The following PPARD variants were observed in gnomAD, a reference collection of about 807,000 sequenced individuals.
The protein encoded by PPARD is peroxisome proliferator-activated receptor delta.
Under a neutral mutation model 39.5 loss-of-function variants are expected in PPARD, and 6 were observed. The observed-to-expected ratio is 0.15, with a 90% CI of 0.08 to 0.30. The LOEUF (loss-of-function observed/expected upper bound fraction) is 0.30. Ranked by LOEUF, PPARD falls within the 10% of genes least tolerant of loss-of-function variation. The pLI, the probability that PPARD is intolerant of heterozygous loss-of-function variation, is 1.00. For synonymous variants in PPARD, 210 were observed against 231.3 expected (o/e 0.91, Z 0.83); for missense variants, 397 against 596.8 (o/e 0.67, Z 3.49).
chr6:35,422,655 G>A (rs995822782), intron 5 of PPARD, among the ~76,000 whole-genome samples: 2 of 152,118 alleles, frequency 1.3e-5, no homozygotes. Context: ...TAACTGCCTT[G>A]CATCTTAGAG....
intron 2 of PPARD, among the ~76,000 whole-genome samples, chr6:35,380,476 G>GTTTTTTTTTTTTTTTTTTTT (rs71002557): frequency 7.4e-5 from 5 of 67,142 alleles, no homozygotes; most frequent in Admixed American, 5.2e-4. Flanking sequence ...TTTTTTGTTT[G>GTTTTTTTTTTTTTTTTTTTT]TTTTTTTTTT....
At chr6:35,373,711 A>C (rs967975317) in intron 2 of PPARD, among the ~76,000 whole-genome samples, 1 of 150,124 alleles carries the variant, frequency 6.7e-6, no homozygotes, top group African/African-American at 2.4e-5. Flanking sequence ...TGTGTCATCC[A>C]GGCTGGAGTG....
At chr6:35,382,223 A>G (rs925113825) in intron 2 of PPARD, among the ~76,000 whole-genome samples, 2 of 152,170 alleles carry the variant, frequency 1.3e-5, no homozygotes, top group Admixed American at 6.6e-5. Context: ...CCATTAGGCA[A>G]TTAGAGGCCT....
chr6:35,349,082 G>A (rs1051769870), intron 2 of PPARD: 1 of 930,736 alleles, frequency 1.1e-6, no homozygotes, highest in Admixed American at 6.3e-5. Flanking sequence ...CTGGAGTGCA[G>A]TGGCGCGATC....
intron 1 of PPARD, among the ~76,000 whole-genome samples, chr6:35,344,103 C>T (rs777162744): frequency 6.6e-6 from 1 of 152,112 alleles, no homozygotes; most frequent in Non-Finnish European, 1.5e-5. Context: ...TCTCTCATAT[C>T]TCTTTGACAA....
chr6:35,394,785 C>T (rs1227637658), intron 2 of PPARD, among the ~76,000 whole-genome samples: 2 of 123,372 alleles, frequency 1.6e-5, no homozygotes, highest in South Asian at 2.7e-4. Flanking sequence ...CCCCCCCCAC[C>T]AAAAAAAAAA....
chr6:35,350,839 C>T (rs1761202410), intron 2 of PPARD, among the ~76,000 whole-genome samples: 1 of 151,692 alleles, frequency 6.6e-6, no homozygotes, highest in Non-Finnish European at 1.5e-5. Flanking sequence ...GTTGGTCAGG[C>T]TGGTCTTGAA....
At chr6:35,361,986 T>C (rs561212508) in intron 2 of PPARD, among the ~76,000 whole-genome samples, 1 of 152,320 alleles carries the variant, frequency 6.6e-6, no homozygotes, top group South Asian at 2.1e-4. Flanking sequence ...TAGTTAAAAA[T>C]GTTTTAGTTA....
intron 5 of PPARD, among the ~76,000 whole-genome samples, chr6:35,422,845 T>C (rs1014884010): frequency 3.9e-5 from 6 of 152,138 alleles, no homozygotes; most frequent in African/African-American, 1.4e-4. Context: ...TTTTGAGTGC[T>C]TACTATGTGA....
chr6:35,390,303 G>A (rs1006882064), intron 2 of PPARD, among the ~76,000 whole-genome samples: 7 of 152,226 alleles, frequency 4.6e-5, no homozygotes, highest in Admixed American at 1.3e-4. Context: ...AGGGCAGGCT[G>A]TGTTTTACTC....
chr6:35,408,726 A>G (rs1318934962), intron 2 of PPARD, among the ~76,000 whole-genome samples: 1 of 152,264 alleles, frequency 6.6e-6, no homozygotes, highest in African/African-American at 2.4e-5. Context: ...CCAATTTTCA[A>G]GAGAAGCCAG....
intron 3 of PPARD, among the ~76,000 whole-genome samples, chr6:35,416,458 A>T (rs1323596659): frequency 1.3e-5 from 2 of 148,408 alleles, no homozygotes; most frequent in East Asian, 4.1e-4. Flanking sequence ...ACCGTGGCCT[A>T]ATCAAGTTGA....
At chr6:35,396,809 A>G (rs1764356069) in intron 2 of PPARD, among the ~76,000 whole-genome samples, 1 of 152,064 alleles carries the variant, frequency 6.6e-6, no homozygotes, top group Admixed American at 6.5e-5. Flanking sequence ...CAACCTGGGC[A>G]ACAGAGTGAG....
chr6:35,368,577 T>A (rs1762323735), intron 2 of PPARD, among the ~76,000 whole-genome samples: 1 of 152,186 alleles, frequency 6.6e-6, no homozygotes, highest in African/African-American at 2.4e-5. Context: ...ACAGCCTGGT[T>A]GGGAAACCAA....
intron 2 of PPARD, among the ~76,000 whole-genome samples, chr6:35,360,031 AG>A (rs1761844584): frequency 6.6e-6 from 1 of 152,154 alleles, no homozygotes; most frequent in Admixed American, 6.5e-5. Flanking sequence ...TTCAGAAAAT[AG>A]CAGTCTCTTG....
chr6:35,380,476 G>GTTTTTTTTTTTTT (rs71002557), intron 2 of PPARD, among the ~76,000 whole-genome samples: 14 of 67,138 alleles, frequency 2.1e-4, no homozygotes, highest in Middle Eastern at 0.014. Context: ...TTTTTTGTTT[G>GTTTTTTTTTTTTT]TTTTTTTTTT....
rs1006202035 is a variant in PPARD at position 35,401,273 on chromosome 6, C to T, written c.-101-9714C>T. On this transcript the variant is annotated intron_variant, in intron 2 of 7. Transcript: ENST00000360694. The surrounding 1 kb of genome is among the most constrained non-coding windows in gnomAD (Gnocchi z 4.1). ...CTGCTTCCCAGACCTTGCAGGGCTC[C>T]AGGTGGCCTTCCCCTCCTGCCGACT... Among the ~76,000 whole-genome samples the T allele has an allele frequency of 1.3e-5, 2 of 152,120 alleles. No homozygotes were observed. Among genetic ancestry groups the T allele is most frequent in the Non-Finnish European group, 2.9e-5 (2 of 68,026 alleles).
At chr6:35,407,361 C>G (rs1765121770) in intron 2 of PPARD, among the ~76,000 whole-genome samples, 1 of 152,086 alleles carries the variant, frequency 6.6e-6, no homozygotes, top group Non-Finnish European at 1.5e-5. Flanking sequence ...TCTGCCGCCA[C>G]TGCGCTGTGG....
chr6:35,424,743 C>G lies in PPARD; in HGVS notation c.1042C>G (p.Leu348Val). ...CGCCCTGGAACTTGATGACAGTGAC[C>G]TGGCCCTATTCATTGCGGCCATCAT... is the stretch of plus-strand genomic sequence containing the variant. ...FNALELDDSD[L>V]ALFIAAIILC... Residue 348 changes from leucine (L) to valine (V), a missense_variant, in exon 7 of 8, where the codon CTG (leucine) becomes GTG (valine). Leu to Val is a conservative substitution (Grantham distance 32). Coordinates refer to ENST00000360694, the MANE Select transcript of PPARD (RefSeq NM_006238.5). This position sits in a 1 kb window ranked among gnomAD's most constrained non-coding sequence, Gnocchi z 7.1. The G allele has an allele frequency of 6.2e-7, 1 of 1,614,218 alleles. No homozygotes were observed.
Sources: gnomAD v4.1 joint callset for allele counts (sites outside exome capture counted in the v4.1 genomes callset) on GRCh38, gnomAD v4.1.1 for gene constraint, Gnocchi (gnomAD v3.1) non-coding constraint, MANE v1.5 for transcripts, NCBI Gene and HGNC (gene_info 2026-07-23, HGNC 2026-07-21) for gene names.